Variants in CALCR observed in about 807,000 individuals in gnomAD.
The protein encoded by CALCR is calcitonin receptor.
In CALCR, 47 loss-of-function variants were observed where a neutral mutation model predicts 59.5. That is an observed-to-expected ratio of 0.79 (90% confidence interval 0.63 to 1.01). The LOEUF (loss-of-function observed/expected upper bound fraction) is 1.01. Among genes scored for constraint, CALCR ranks in the 50% least tolerant of loss-of-function variants. CALCR has a pLI of 0.00. For missense variants in CALCR, 566 were observed against 597.1 expected (o/e 0.95, Z 0.54); for synonymous variants, 213 against 211.3 (o/e 1.01, Z -0.07).
chr7:93,555,169 A>C (rs1401419031), intron 2 of CALCR, among the ~76,000 whole-genome samples: 1 of 152,090 alleles, frequency 6.6e-6, no homozygotes, highest in African/African-American at 2.4e-5. Flanking sequence ...GGGGATGTCA[A>C]ACAGGCATAC....
intron 9 of CALCR, among the ~76,000 whole-genome samples, chr7:93,442,025 G>C (rs142706553): frequency 9.2e-5 from 14 of 152,216 alleles, no homozygotes; most frequent in African/African-American, 2.9e-4. Flanking sequence ...GGAAACTTTG[G>C]GGCAGGATGT....
chr7:93,482,845 G>A (rs1800828917), intron 3 of CALCR: 2 of 533,408 alleles, frequency 3.7e-6, no homozygotes, highest in East Asian at 5.5e-5. Context: ...TTTCAACACT[G>A]AAGGAATGAA....
chr7:93,569,257 T>C (rs890883068), intron 2 of CALCR, among the ~76,000 whole-genome samples: 3 of 152,098 alleles, frequency 2.0e-5, no homozygotes, highest in African/African-American at 4.8e-5. Context: ...CAGTAACCTA[T>C]ATTAACTCCT....
intron 8 of CALCR, among the ~76,000 whole-genome samples, chr7:93,446,398 A>T (rs1800006778): frequency 6.6e-6 from 1 of 152,040 alleles, no homozygotes; most frequent in South Asian, 2.1e-4. Flanking sequence ...ATTTTTTAAG[A>T]AATATACAGA....
intron 2 of CALCR, among the ~76,000 whole-genome samples, chr7:93,499,830 T>G (rs1223008155): frequency 6.6e-6 from 1 of 151,878 alleles, no homozygotes; most frequent in Non-Finnish European, 1.5e-5. Flanking sequence ...AAGCCAAGTT[T>G]TAAAATATTT....
rs75245234 is a variant in CALCR, at chr7:93,486,263, C to A, written c.51+668G>T. 7.1e-3 allele frequency among the ~76,000 whole-genome samples: 1,071 copies of A among 151,660 alleles called. 7 individuals carry two copies. The highest frequency in any genetic ancestry group is 0.024 in the African/African-American group (1,005 of 41,476). On this transcript the variant is annotated intron_variant, in intron 3 of 13. Coordinates refer to ENST00000426151, the MANE Select transcript of CALCR (RefSeq NM_001742.4). Reference sequence around the variant, plus strand: ...TGAAGCTGATGTGATGGTAGGTTAACAATGTTGACACAAATAATAGGCATT... The same window carrying A: ...TGAAGCTGATGTGATGGTAGGTTAAAAATGTTGACACAAATAATAGGCATT...
rs543769020 is a variant in CALCR, at chr7:93,556,163, A to G, written c.-27+18126T>C. Among the ~76,000 whole-genome samples, 5 of 152,308 alleles carry G rather than the reference A, an allele frequency of 3.3e-5. No individual in the cohort carries two copies. In the East Asian group the frequency reaches 9.6e-4, roughly 29 times the overall value. On this transcript the variant is annotated intron_variant, in intron 2 of 13. Transcript: ENST00000426151. ...TTCTCCAGGGTAACTGTTTGCTTTA[A>G]AACAGTAGAGTAGGGATGGAGGATG...
intron 2 of CALCR, among the ~76,000 whole-genome samples, chr7:93,522,823 T>C (rs976005025): frequency 6.6e-6 from 1 of 152,148 alleles, no homozygotes; most frequent in Admixed American, 6.5e-5. Context: ...AAAAGACCAG[T>C]ATTTAAGTTA....
rs3068441 is a variant in CALCR at position 93,569,935 on chromosome 7, GACACACACACACACAC to G, written c.-27+4338_-27+4353del. On this transcript the variant is annotated intron_variant, in intron 2 of 13. Transcript: ENST00000426151. ...TACAATGGAACCATTGATGTAAAGG[GACACACACACACACAC>G]ACACACACACACACACACTTCAATT... 2.8e-5 allele frequency among the ~76,000 whole-genome samples: 4 copies of G among 144,018 alleles called. No individual in the cohort carries two copies. The Admixed American group carries it at 2.8e-4, about 10-fold the overall frequency. 94.5% of individuals were successfully genotyped at this position (144,018 alleles called of 152,430 possible). A position where few individuals can be genotyped will look rare whatever the true frequency, so the allele number is the denominator to read the frequency against.
chr7:93,439,989 C>G (rs1457511967), intron 9 of CALCR, among the ~76,000 whole-genome samples: 2 of 152,180 alleles, frequency 1.3e-5, no homozygotes, highest in African/African-American at 4.8e-5. Flanking sequence ...GGGAGAATTT[C>G]ACCACCAGAT....
At chr7:93,483,980 C>A in intron 3 of CALCR, 1 of 522,268 alleles carries the variant, frequency 1.9e-6, no homozygotes, top group Non-Finnish European at 4.0e-6. Context: ...CCTAAAGGTT[C>A]AAGTAAATGG....
chr7:93,543,505 C>A (rs1233821769), intron 2 of CALCR, among the ~76,000 whole-genome samples: 8 of 152,024 alleles, frequency 5.3e-5, no homozygotes, highest in African/African-American at 1.7e-4. Flanking sequence ...CCAGCATCAC[C>A]ACAAGCATGG....
intron 2 of CALCR, among the ~76,000 whole-genome samples, chr7:93,544,686 C>T (rs368601735): frequency 2.6e-4 from 40 of 151,992 alleles, no homozygotes; most frequent in African/African-American, 9.7e-4. Flanking sequence ...TCTAATTCTC[C>T]GTAGGTCTTT....
chr7:93,438,960 G>A (rs548981021), intron 9 of CALCR, among the ~76,000 whole-genome samples: 4 of 151,166 alleles, frequency 2.6e-5, no homozygotes, highest in South Asian at 4.2e-4. Flanking sequence ...ATTGCAATAC[G>A]TCCTTCCAGA....
chr7:93,505,838 C>T (rs991166950), intron 2 of CALCR, among the ~76,000 whole-genome samples: 1 of 152,152 alleles, frequency 6.6e-6, no homozygotes, highest in African/African-American at 2.4e-5. Flanking sequence ...GGCGGCTCCA[C>T]CTTCCCTTCT....
Position 93,426,578 on chromosome 7 carries a change from G to A in CALCR, c.1203C>T (p.Thr401=), listed in dbSNP as rs756884648. 12 of 1,600,044 alleles carry A rather than the reference G, an allele frequency of 7.5e-6. No homozygotes were observed. In the East Asian group the frequency reaches 1.1e-4, roughly 15 times the overall value. The change falls in exon 14 of 14, where the codon ACC becomes ACT. Residue 401 remains threonine (T), a synonymous_variant. Transcript: ENST00000426151. ...TGAATTGGGCCCATTGGCGCTTCACGGTGGTTTGGACCTGGAAGAGAAAAA... is the reference window on the plus strand; with the variant it reads ...TGAATTGGGCCCATTGGCGCTTCACAGTGGTTTGGACCTGGAAGAGAAAAA... The part of the protein sequence containing the change: ...YCFCNNEVQT[T]VKRQWAQFKI...
At chr7:93,477,370 C>T (rs1800687899) in intron 5 of CALCR, among the ~76,000 whole-genome samples, 188 bp downstream of exon 5, 1 of 151,362 alleles carries the variant, frequency 6.6e-6, no homozygotes, top group African/African-American at 2.4e-5. Flanking sequence ...AGCAACATGA[C>T]TTAAAAAAAA....
Position 93,486,965 on chromosome 7 carries a change from G to A in CALCR, c.17C>T (p.Thr6Ile). 1.2e-6 allele frequency: 2 copies of A among 1,600,904 alleles called. No individual in the cohort carries two copies. The highest frequency in any genetic ancestry group is 1.7e-6 in the Non-Finnish European group (2 of 1,170,876). Residue 6 changes from threonine (T) to isoleucine (I), a missense_variant, in exon 3 of 14, where the codon ACA becomes ATA. Coordinates refer to ENST00000426151, the MANE Select transcript of CALCR (RefSeq NM_001742.4). The stretch of plus-strand genomic sequence containing the variant: ...AAGAAACAGTGCCAAGCACCGGCTT[G>A]TAAATGTGAACCTCATTTTTGATTT... MRFTF[T>I]SRCLALFLLL...
At chr7:93,485,752 A>T (rs1800928911) in intron 3 of CALCR, among the ~76,000 whole-genome samples, 1 of 151,576 alleles carries the variant, frequency 6.6e-6, no homozygotes, top group African/African-American at 2.4e-5. Flanking sequence ...TGCATTTCCA[A>T]ATACTAATTA....
Sources: gnomAD v4.1 joint callset for allele counts (sites outside exome capture counted in the v4.1 genomes callset) on GRCh38, gnomAD v4.1.1 for gene constraint, MANE v1.5 for transcripts, NCBI Gene and HGNC (gene_info 2026-07-23, HGNC 2026-07-21) for gene names.